The following KLHDC2 variants were observed in gnomAD, a reference collection of about 807,000 sequenced individuals.
KLHDC2 encodes the protein kelch domain containing 2, also known as kelch domain-containing protein 2.
KLHDC2 carries 38 observed loss-of-function variants against 62.3 expected under a neutral mutation model. The ratio of observed to expected loss-of-function variants is 0.61; its 90% CI spans 0.47 to 0.80. The LOEUF (loss-of-function observed/expected upper bound fraction) is 0.80. Ranked by LOEUF, KLHDC2 falls within the 30% of genes least tolerant of loss-of-function variation. KLHDC2 has a pLI of 0.00. For synonymous variants in KLHDC2, 159 were observed against 161.0 expected, an observed-to-expected ratio of 0.99 and a Z score of 0.09; for missense variants, 430 against 495.3, an observed-to-expected ratio of 0.87 and a Z score of 1.25.
At position 49,768,494 on chromosome 14, in the gene KLHDC2, G is replaced by A; in HGVS notation, c.26G>A (p.Arg9Gln). MADGNEDL[R>Q]ADDLPGPAFE... ...ATGGCTGATGGCAACGAGGATCTGCGGGCTGACGACTTGCCTGGGCCAGCC... is the reference window on the plus strand; with the variant it reads ...ATGGCTGATGGCAACGAGGATCTGCAGGCTGACGACTTGCCTGGGCCAGCC... The change falls in exon 1 of 13, where the codon CGG becomes CAG. Residue 9 changes from arginine to glutamine, a missense_variant. Transcript: ENST00000298307. 3 of 1,609,826 alleles carry A rather than the reference G, an allele frequency of 1.9e-6. No homozygotes were observed. Among genetic ancestry groups the A allele is most frequent in the Non-Finnish European group, 2.5e-6 (3 of 1,178,564 alleles).
At position 49,785,256 on chromosome 14, in the gene KLHDC2, G is replaced by C; in HGVS notation, c.*2303G>C. 6.2e-7 allele frequency: 1 copy of C among 1,613,908 alleles called. No homozygotes were observed. The highest frequency in any genetic ancestry group is 1.1e-5 in the South Asian group (1 of 91,070). On this transcript the variant is annotated 3_prime_UTR_variant, in exon 13 of 13. Transcript: ENST00000298307. ...CATGGTGGTGTAAGGGGCACATATT[G>C]GAATGGCAAACAGTAGTACATCTTC... is the stretch of plus-strand genomic sequence containing the variant.
chr14:49,783,179 T>C lies in KLHDC2; in HGVS notation c.*226T>C. On this transcript the variant is annotated 3_prime_UTR_variant, in exon 13 of 13. Coordinates refer to ENST00000298307, the MANE Select transcript of KLHDC2 (RefSeq NM_014315.3). ...TAAAGTAAAGTAATGGTTGGGCTTT[T>C]TACCCTGAAGAATGGTTGCTACATT... The C allele has an allele frequency of 5.7e-6, 2 of 349,624 alleles. No homozygotes were observed. Among genetic ancestry groups the C allele is most frequent in the Non-Finnish European group, 1.0e-5 (2 of 196,042 alleles). 21.7% of individuals were successfully genotyped at this position (349,624 alleles called of 1,614,324 possible). A position where few individuals can be genotyped will look rare whatever the true frequency, so the allele number is the denominator to read the frequency against.
At chr14:49,781,402 G>A (rs1566638191) in intron 10 of KLHDC2, among the ~76,000 whole-genome samples, 2 of 150,630 alleles carry the variant, frequency 1.3e-5, no homozygotes, top group South Asian at 2.1e-4. Flanking sequence ...AGAGGTGCTG[G>A]AATGGGTAAA....
intron 3 of KLHDC2, among the ~76,000 whole-genome samples, chr14:49,775,390 G>A (rs1263189615): frequency 6.6e-6 from 1 of 152,152 alleles, no homozygotes; most frequent in African/African-American, 2.4e-5. Flanking sequence ...TTCTAGAAGG[G>A]ACACATATAG....
rs199587766 is a variant in KLHDC2, at chr14:49,770,965, C to CT, written c.154-628dup. 5.5e-4 allele frequency among the ~76,000 whole-genome samples: 84 copies of CT among 152,348 alleles called. 1 individual carries two copies. The East Asian group carries it at 0.013, about 24-fold the overall frequency. ...ATCAGGCACTTTCAGTAACAGCCTG[C>CT]TGACCATGGCACAGGCAGTCTCCTG... On this transcript the variant is annotated intron_variant, in intron 1 of 12. Coordinates refer to ENST00000298307, the MANE Select transcript of KLHDC2 (RefSeq NM_014315.3).
chr14:49,781,228 G>A (rs982170883), intron 10 of KLHDC2, among the ~76,000 whole-genome samples: 1 of 152,136 alleles, frequency 6.6e-6, no homozygotes, highest in South Asian at 2.1e-4. Flanking sequence ...TTAGCTGGGC[G>A]TGGTGGCGTA....
intron 1 of KLHDC2, among the ~76,000 whole-genome samples, chr14:49,771,173 AC>A (rs1277172300): frequency 3.9e-5 from 6 of 151,910 alleles, no homozygotes; most frequent in African/African-American, 1.5e-4. Context: ...ACATGGTGAA[AC>A]CCTGTCTCTA....
chr14:49,774,743 A>C (rs575058727), intron 3 of KLHDC2, 65 bp downstream of exon 3: 14 of 965,516 alleles, frequency 1.5e-5, no homozygotes, highest in Admixed American at 1.2e-4. Flanking sequence ...AACAACTGCA[A>C]ATTTCTAAGG....
rs1481315300 is a variant in KLHDC2 at position 49,785,697 on chromosome 14, A to G, written c.*2744A>G. 1 of 196,834 alleles carries G rather than the reference A, an allele frequency of 5.1e-6. No individual in the cohort carries two copies. Among genetic ancestry groups the G allele is most frequent in the African/African-American group, 2.4e-5 (1 of 42,382 alleles). The allele number at this position is 196,834 out of a possible 1,614,324, so 12.2% of individuals were successfully genotyped here. On this transcript the variant is annotated 3_prime_UTR_variant, in exon 13 of 13. Transcript: ENST00000298307. ...GAGCCCAGGAGTTCAAGACCAGCCT[A>G]AGCAACATGGAGAAACACCATCTCT...
intron 9 of KLHDC2, 145 bp downstream of exon 9, chr14:49,780,467 T>G: frequency 1.5e-6 from 1 of 664,338 alleles, no homozygotes; most frequent in Admixed American, 2.6e-5. Context: ...AACATAGCTG[T>G]AATTGTACTA....
At chr14:49,774,763 GA>G (rs1889737144) in intron 3 of KLHDC2, 85 bp downstream of exon 3, 6 of 831,890 alleles carry the variant, frequency 7.2e-6, no homozygotes, top group Non-Finnish European at 1.3e-5. Flanking sequence ...GTTAGCCCCA[GA>G]CTTATTTGTG....
At chr14:49,772,294 TGG>T (rs1889680447) in intron 2 of KLHDC2, among the ~76,000 whole-genome samples, 1 of 152,220 alleles carries the variant, frequency 6.6e-6, no homozygotes, top group Admixed American at 6.5e-5. Context: ...AATTTATAAA[TGG>T]TTAAATTGTT....
intron 3 of KLHDC2, among the ~76,000 whole-genome samples, chr14:49,775,964 A>G (rs1252322167): frequency 6.6e-6 from 1 of 152,110 alleles, no homozygotes; most frequent in East Asian, 1.9e-4. Context: ...AGTGGATGGA[A>G]TATGTGGCTG....
intron 2 of KLHDC2, 81 bp from the exon 3 acceptor site, chr14:49,774,480 A>G (rs1054028367): frequency 2.2e-5 from 19 of 858,026 alleles, no homozygotes; most frequent in Non-Finnish European, 1.4e-5. Flanking sequence ...TATTGTGAGG[A>G]TATAAGTAGA....
At chr14:49,774,174 C>T (rs1046795955) in intron 2 of KLHDC2, among the ~76,000 whole-genome samples, 28 of 152,212 alleles carry the variant, frequency 1.8e-4, no homozygotes, top group African/African-American at 6.0e-4. Flanking sequence ...ATTAATCTAT[C>T]AGCACTGGGA....
At chr14:49,781,823 CTT>C (rs769992986) in intron 10 of KLHDC2, among the ~76,000 whole-genome samples, 10 of 152,180 alleles carry the variant, frequency 6.6e-5, no homozygotes, top group Non-Finnish European at 1.3e-4. Context: ...ATAATTTTCT[CTT>C]GTTAATCTCA....
intron 3 of KLHDC2, among the ~76,000 whole-genome samples, chr14:49,776,598 T>G (rs1313460755): frequency 6.6e-6 from 1 of 152,170 alleles, no homozygotes; most frequent in Non-Finnish European, 1.5e-5. Context: ...CTATTTTTTT[T>G]GGGTAATACC....
At position 49,785,007 on chromosome 14, in the gene KLHDC2, G is replaced by C. The variant is rs1180979894; in HGVS notation, c.*2054G>C. 1.2e-6 allele frequency: 2 copies of C among 1,612,704 alleles called. No individual in the cohort carries two copies. Among genetic ancestry groups the C allele is most frequent in the Admixed American group, 1.7e-5 (1 of 59,924 alleles). On this transcript the variant is annotated 3_prime_UTR_variant, in exon 13 of 13. Coordinates refer to ENST00000298307, the MANE Select transcript of KLHDC2 (RefSeq NM_014315.3). ...ACTATTCAAGGCTGTTTTTGCAGCTGTAAATACAAAAAAGAGTAAGAATAA... is the reference window on the plus strand; with the variant it reads ...ACTATTCAAGGCTGTTTTTGCAGCTCTAAATACAAAAAAGAGTAAGAATAA...
chr14:49,775,326 G>A (rs1216771016), intron 3 of KLHDC2, among the ~76,000 whole-genome samples: 1 of 152,178 alleles, frequency 6.6e-6, no homozygotes, highest in East Asian at 1.9e-4. Flanking sequence ...TGAGCACTTG[G>A]CTGGACACTG....
Sources: gnomAD v4.1 joint callset for allele counts (sites outside exome capture counted in the v4.1 genomes callset) on GRCh38, gnomAD v4.1.1 for gene constraint, MANE v1.5 for transcripts, NCBI Gene and HGNC (gene_info 2026-07-23, HGNC 2026-07-21) for gene names.